Variants in ARHGAP21 observed in about 807,000 individuals in gnomAD.
ARHGAP21 encodes the protein Rho GTPase activating protein 21.
Under a neutral mutation model 164.6 loss-of-function variants are expected in ARHGAP21, and 38 were observed. The observed-to-expected ratio is 0.23, with a 90% CI of 0.18 to 0.30. The LOEUF is 0.30. ARHGAP21 is among the 10% of genes least tolerant of loss of function. The probability of loss-of-function intolerance (pLI) is 1.00; values close to 1 mark genes in which losing one functional copy is unlikely to be tolerated. For missense variants in ARHGAP21, 1,822 were observed against 2,370.7 expected (o/e 0.77, Z 4.81); for synonymous variants, 766 against 857.9 (o/e 0.89, Z 1.87).
rs34935501 is a variant in ARHGAP21, at chr10:24,625,299, GAAAAAAAAAAAAA to G, written c.496-2550_496-2538del. On this transcript the variant is annotated intron_variant, in intron 7 of 25. Coordinates refer to ENST00000396432, the MANE Select transcript of ARHGAP21 (RefSeq NM_020824.4). ...TAAATGGTAAACAAAATGAAACAGAGAAAAAAAAAAAAAAAAAAAAAAAACCTGAAGAATAAAT... is the reference window on the plus strand; with the variant it reads ...TAAATGGTAAACAAAATGAAACAGAGAAAAAAAAAAACCTGAAGAATAAAT... 9.5e-4 allele frequency among the ~76,000 whole-genome samples: 51 copies of G among 53,810 alleles called. 1 individual carries two copies. Among genetic ancestry groups the G allele is most frequent in the African/African-American group, 3.8e-3 (51 of 13,440 alleles). 35.3% of individuals were successfully genotyped at this position (53,810 alleles called of 152,430 possible). A position where few individuals can be genotyped will look rare whatever the true frequency, so the allele number is the denominator to read the frequency against.
chr10:24,675,510 T>A (rs1011727626), intron 2 of ARHGAP21, among the ~76,000 whole-genome samples: 1 of 152,224 alleles, frequency 6.6e-6, no homozygotes, highest in African/African-American at 2.4e-5. Flanking sequence ...TTTTCACTGG[T>A]GCATACTTGC....
rs377118244 is a variant in ARHGAP21, at chr10:24,600,944, G to A, written c.2848-14C>T. On this transcript the variant is annotated splice_polypyrimidine_tract_variant and intron_variant, in intron 13 of 25. Transcript: ENST00000396432. The stretch of plus-strand genomic sequence containing the variant: ...TCCACCAACTCGCTAGAAAACATGC[G>A]ACAGTTCTTTAATAGTCAATATTTG... 20 of 1,606,186 alleles carry A rather than the reference G, an allele frequency of 1.2e-5. No homozygotes were observed. Among genetic ancestry groups the A allele is most frequent in the Non-Finnish European group, 1.5e-5 (18 of 1,174,494 alleles).
At chr10:24,629,637 A>G (rs1414426937) in intron 7 of ARHGAP21, 1 of 216,108 alleles carries the variant, frequency 4.6e-6, no homozygotes, top group Non-Finnish European at 1.0e-5. Flanking sequence ...CATAGTGAGA[A>G]GGAAAAAAAA....
At position 24,707,596 on chromosome 10, in the gene ARHGAP21, T is replaced by C. The variant is rs4748965; in HGVS notation, c.63+14241A>G. 8.9e-3 allele frequency among the ~76,000 whole-genome samples: 1,360 copies of C among 152,242 alleles called. 47 individuals carry two copies. Among genetic ancestry groups the C allele is most frequent in the Admixed American group, 0.067 (1,031 of 15,282 alleles). ...CATGTCCAAAACTGAATTCATCACC[T>C]TCCCTCCAAACTTGCACGACCTCCT... On this transcript the variant is annotated intron_variant, in intron 2 of 25. Transcript: ENST00000396432.
chr10:24,712,629 A>T (rs1844946594), intron 2 of ARHGAP21, among the ~76,000 whole-genome samples: 2 of 152,320 alleles, frequency 1.3e-5, no homozygotes, highest in South Asian at 4.1e-4. Context: ...TTTTTTCCCC[A>T]ATATTTTTGA....
At chr10:24,640,247 G>C (rs1836858706) in intron 4 of ARHGAP21, 1 of 151,468 alleles carries the variant, frequency 6.6e-6, no homozygotes, top group Non-Finnish European at 1.5e-5. Flanking sequence ...TTAATACTTG[G>C]ATGGGAGACT....
chr10:24,628,943 A>T (rs1835483521), intron 7 of ARHGAP21: 1 of 98,234 alleles, frequency 1.0e-5, no homozygotes, highest in Admixed American at 1.2e-4. Context: ...ATATATATAC[A>T]CACACACACT....
At chr10:24,710,653 T>A (rs1334463044) in intron 2 of ARHGAP21, among the ~76,000 whole-genome samples, 1 of 152,208 alleles carries the variant, frequency 6.6e-6, no homozygotes, top group Non-Finnish European at 1.5e-5. Context: ...TTGAATTTGT[T>A]AATAAATGTG....
chr10:24,608,568 T>C (rs1292689445), intron 9 of ARHGAP21, among the ~76,000 whole-genome samples: 2 of 152,176 alleles, frequency 1.3e-5, no homozygotes, highest in East Asian at 1.9e-4. Flanking sequence ...TTAAAGAATA[T>C]ACTACAATGA....
At chr10:24,606,362 TAGTC>T (rs1275071485) in intron 11 of ARHGAP21, among the ~76,000 whole-genome samples, 1 of 151,982 alleles carries the variant, frequency 6.6e-6, no homozygotes, top group African/African-American at 2.4e-5. Flanking sequence ...CCATAGAAAA[TAGTC>T]AAAAAATATA....
chr10:24,589,219 G>A, intron 25 of ARHGAP21, 52 bp downstream of exon 25: 2 of 1,490,490 alleles, frequency 1.3e-6, no homozygotes, highest in South Asian at 1.1e-5. Context: ...ATAACAATCA[G>A]CCGAAAAACA....
At position 24,622,722 on chromosome 10, in the gene ARHGAP21, G is replaced by C. The variant is rs573668254; in HGVS notation, c.525+11C>G. The C allele has an allele frequency of 6.2e-7, 1 of 1,608,852 alleles. No homozygotes were observed. Among genetic ancestry groups the C allele is most frequent in the South Asian group, 1.1e-5 (1 of 90,170 alleles). On this transcript the variant is annotated intron_variant, in intron 8 of 25. Transcript: ENST00000396432. ...TAAAAAGCAAGGAAATGGCTACTGT[G>C]CATTTCTTACCAGTGCTGTGACATC...
At chr10:24,622,440 ATATAT>A (rs1834655708) in intron 8 of ARHGAP21, among the ~76,000 whole-genome samples, 12 of 8,596 alleles carry the variant, frequency 1.4e-3, no homozygotes, top group African/African-American at 5.8e-3. Flanking sequence ...AAACATATAT[ATATAT>A]ATATATATAT....
chr10:24,668,731 G>A (rs1840423692), intron 3 of ARHGAP21, among the ~76,000 whole-genome samples: 2 of 151,758 alleles, frequency 1.3e-5, no homozygotes, highest in Admixed American at 6.6e-5. Context: ...TTCACATAAA[G>A]TTGCAGTTTC....
intron 5 of ARHGAP21, among the ~76,000 whole-genome samples, chr10:24,634,496 T>C (rs926950929): frequency 6.6e-6 from 1 of 152,178 alleles, no homozygotes; most frequent in African/African-American, 2.4e-5. Context: ...CAAAACATTT[T>C]AGAACAAACA....
intron 2 of ARHGAP21, among the ~76,000 whole-genome samples, chr10:24,704,370 A>C (rs986803390): frequency 6.8e-6 from 1 of 146,770 alleles, no homozygotes; most frequent in Non-Finnish European, 1.5e-5. Context: ...AGCTCACTGC[A>C]ACCTCCACAT....
At chr10:24,674,772 C>T (rs1410542354) in intron 2 of ARHGAP21, among the ~76,000 whole-genome samples, 3 of 152,002 alleles carry the variant, frequency 2.0e-5, no homozygotes, top group African/African-American at 4.8e-5. Flanking sequence ...AACGAAAAGG[C>T]AAGCCATAGA....
intron 2 of ARHGAP21, among the ~76,000 whole-genome samples, chr10:24,689,814 A>G (rs984013471): frequency 6.7e-6 from 1 of 149,376 alleles, no homozygotes; most frequent in African/African-American, 2.5e-5. Flanking sequence ...ATGTATGTGT[A>G]TATATATGTA....
intron 14 of ARHGAP21, 88 bp from the exon 15 acceptor site, chr10:24,598,097 CTTAT>C: frequency 1.0e-6 from 1 of 1,001,770 alleles, no homozygotes; most frequent in Non-Finnish European, 1.5e-6. Flanking sequence ...TACTGCTTTG[CTTAT>C]TTAACACAAA....
Sources: allele counts gnomAD v4.1 joint callset (sites outside exome capture counted in the v4.1 genomes callset), GRCh38; gene constraint gnomAD v4.1.1; transcripts MANE v1.5; gene names NCBI Gene and HGNC (gene_info 2026-07-23, HGNC 2026-07-21).